CDK14: variants seen among roughly 807,000 people sequenced by gnomAD.
CDK14 encodes cyclin-dependent kinase 14.
Under a neutral mutation model 60.7 loss-of-function variants are expected in CDK14, and 34 were observed. The ratio of observed to expected loss-of-function variants is 0.56; its 90% CI spans 0.43 to 0.75. The LOEUF (loss-of-function observed/expected upper bound fraction) is 0.75, where lower values mean the gene tolerates loss of function less well. CDK14 is among the 30% of genes least tolerant of loss of function. The pLI, the probability that CDK14 is intolerant of heterozygous loss-of-function variation, is 0.00. For missense variants in CDK14, 482 were observed against 564.1 expected (o/e 0.85, Z 1.47); for synonymous variants, 197 against 203.7 (o/e 0.97, Z 0.28).
At chr7:91,101,156 TA>T (rs1368051019) in intron 12 of CDK14, among the ~76,000 whole-genome samples, 1 of 152,220 alleles carries the variant, frequency 6.6e-6, no homozygotes, top group Non-Finnish European at 1.5e-5. Context: ...TGGAAAAATG[TA>T]ATGTGTTCTT....
At chr7:90,654,732 A>G (rs6957986) in intron 2 of CDK14, among the ~76,000 whole-genome samples, 46,409 of 152,044 alleles carry the variant, frequency 0.31, 7,969 homozygotes, top group East Asian at 0.67. Context: ...CAGAGTTCCC[A>G]TGTTACTTCT....
At chr7:91,168,328 T>C (rs1801412476) in intron 14 of CDK14, among the ~76,000 whole-genome samples, 1 of 152,138 alleles carries the variant, frequency 6.6e-6, no homozygotes, top group African/African-American at 2.4e-5. Context: ...AATTAACTTT[T>C]GTAATGTAGT....
intron 12 of CDK14, among the ~76,000 whole-genome samples, chr7:91,082,799 C>T (rs931713584): frequency 1.3e-5 from 2 of 152,028 alleles, no homozygotes; most frequent in Admixed American, 6.6e-5. Context: ...GGAGGAATAA[C>T]GTAACTTTCA....
At chr7:90,879,734 A>G (rs1378097846) in intron 6 of CDK14, among the ~76,000 whole-genome samples, 1 of 152,124 alleles carries the variant, frequency 6.6e-6, no homozygotes, top group Non-Finnish European at 1.5e-5. Flanking sequence ...CCTAGAACTT[A>G]AAGTATAATG....
At chr7:90,822,237 CA>C (rs1406344945) in intron 5 of CDK14, among the ~76,000 whole-genome samples, 4 of 152,098 alleles carry the variant, frequency 2.6e-5, no homozygotes, top group African/African-American at 7.2e-5. Context: ...TTGTATATGG[CA>C]CGTCCAAAAT....
chr7:90,849,160 G>A (rs776846496), intron 5 of CDK14, among the ~76,000 whole-genome samples: 3 of 152,030 alleles, frequency 2.0e-5, no homozygotes, highest in Admixed American at 1.3e-4. Context: ...GTGCTCTTAC[G>A]GGGCAGTGAG....
chr7:91,037,185 G>T (rs2115975862), intron 10 of CDK14, among the ~76,000 whole-genome samples: 1 of 152,280 alleles, frequency 6.6e-6, no homozygotes, highest in African/African-American at 2.4e-5. Context: ...CTGGTGTTAG[G>T]TTCAGCCAGT....
chr7:90,638,358 T>G (rs1733374927), intron 2 of CDK14, among the ~76,000 whole-genome samples: 1 of 152,206 alleles, frequency 6.6e-6, no homozygotes, highest in Non-Finnish European at 1.5e-5. Flanking sequence ...TTTGCTTGTC[T>G]GTAAAGTATT....
At chr7:91,115,126 G>T (rs186478008) in intron 13 of CDK14, among the ~76,000 whole-genome samples, 1 of 152,210 alleles carries the variant, frequency 6.6e-6, no homozygotes, top group Admixed American at 6.5e-5. Context: ...GATCCACCTG[G>T]AAAGAAGTGT....
intron 11 of CDK14, among the ~76,000 whole-genome samples, chr7:91,076,538 A>G (rs1240680787): frequency 1.3e-5 from 2 of 152,184 alleles, no homozygotes; most frequent in Non-Finnish European, 2.9e-5. Flanking sequence ...GCCCCAAATC[A>G]TAAAAACCCT....
intron 7 of CDK14, among the ~76,000 whole-genome samples, chr7:90,900,750 C>T (rs1204605308): frequency 6.6e-6 from 1 of 152,182 alleles, no homozygotes; most frequent in African/African-American, 2.4e-5. Context: ...TCCTGACTTT[C>T]ACATTCAGTG....
At chr7:90,750,179 C>G (rs960255217) in intron 4 of CDK14, among the ~76,000 whole-genome samples, 16 of 151,494 alleles carry the variant, frequency 1.1e-4, no homozygotes, top group African/African-American at 3.9e-4. Context: ...CACACACACA[C>G]ACACACACAC....
At chr7:90,641,905 C>T (rs1020190902) in intron 2 of CDK14, among the ~76,000 whole-genome samples, 8 of 152,144 alleles carry the variant, frequency 5.3e-5, no homozygotes, top group Admixed American at 3.9e-4. Flanking sequence ...GTGAAAGGCA[C>T]ATCTCACATG....
chr7:90,869,389 T>G (rs1039035849), intron 6 of CDK14, among the ~76,000 whole-genome samples: 3 of 152,172 alleles, frequency 2.0e-5, no homozygotes, highest in Non-Finnish European at 4.4e-5. Context: ...AGCAGGGCTG[T>G]GGCTTGCAGG....
At chr7:90,936,292 A>G (rs1242758227) in intron 8 of CDK14, among the ~76,000 whole-genome samples, 3 of 152,250 alleles carry the variant, frequency 2.0e-5, no homozygotes, top group Admixed American at 2.0e-4. Context: ...TGAAGTTCAT[A>G]GAAAAGTGGA....
chr7:91,106,665 A>G (rs705354), intron 12 of CDK14, among the ~76,000 whole-genome samples: 91,009 of 152,094 alleles, frequency 0.6, 29,133 homozygotes, highest in East Asian at 0.83. Flanking sequence ...AGTAAAAATA[A>G]AATTGAACTC....
At chr7:90,640,890 A>T (rs1800312065) in intron 2 of CDK14, among the ~76,000 whole-genome samples, 1 of 152,196 alleles carries the variant, frequency 6.6e-6, no homozygotes, top group Non-Finnish European at 1.5e-5. Context: ...AAGAACTCTT[A>T]CAACTCAATA....
chr7:90,940,095 A>G (rs1463925442), intron 8 of CDK14, among the ~76,000 whole-genome samples: 1 of 152,140 alleles, frequency 6.6e-6, no homozygotes, highest in African/African-American at 2.4e-5. Flanking sequence ...TGTAGGTAAC[A>G]TGTGCACCCT....
At chr7:90,621,216 G>A (rs759248003) in intron 2 of CDK14, among the ~76,000 whole-genome samples, 41 of 152,162 alleles carry the variant, frequency 2.7e-4, no homozygotes, top group Admixed American at 2.1e-3. Context: ...TTGGTGCCTC[G>A]CCAGAGGTTT....
Sources: gnomAD v4.1 joint callset for allele counts (sites outside exome capture counted in the v4.1 genomes callset) on GRCh38, gnomAD v4.1.1 for gene constraint, MANE v1.5 for transcripts, NCBI Gene and HGNC (gene_info 2026-07-23, HGNC 2026-07-21) for gene names.